RBFOX1: variants seen among roughly 807,000 people sequenced by gnomAD.
RBFOX1 encodes RNA binding fox-1 homolog 1, also known as RNA binding protein fox-1 homolog 1.
In RBFOX1, 8 loss-of-function variants were observed where a neutral mutation model predicts 57.7. That is an observed-to-expected ratio of 0.14 (90% CI 0.08 to 0.25). The LOEUF is 0.25. Among genes scored for constraint, RBFOX1 ranks in the 10% least tolerant of loss-of-function variants. The pLI is 1.00. For missense variants in RBFOX1, 611 were observed against 548.5 expected, an observed-to-expected ratio of 1.11 and a Z score of -1.14; for synonymous variants, 326 against 222.4, an observed-to-expected ratio of 1.47 and a Z score of -4.15.
intron 3 of RBFOX1, among the ~76,000 whole-genome samples, chr16:6,782,896 T>C (rs1054749540): frequency 4.6e-5 from 7 of 152,172 alleles, no homozygotes; most frequent in Non-Finnish European, 8.8e-5. Flanking sequence ...ATATTTGCTT[T>C]ATATATCTGA....
intron 4 of RBFOX1, among the ~76,000 whole-genome samples, chr16:6,005,818 A>G (rs2094924040): frequency 2.6e-5 from 4 of 152,234 alleles, no homozygotes; most frequent in African/African-American, 9.6e-5. Flanking sequence ...GGCTAATGGC[A>G]TTTGAGCTGG....
In RBFOX1 at chr16:5,831,009, T is replaced by C. The variant is rs567290963; in HGVS notation, c.319-36294T>C. Among the ~76,000 whole-genome samples, 4 of 152,330 alleles carry C rather than the reference T, an allele frequency of 2.6e-5. No individual in the cohort carries two copies. In the East Asian group the frequency reaches 5.8e-4, roughly 22 times the overall value. On this transcript the variant is annotated intron_variant, in intron 3 of 19. Coordinates refer to the RBFOX1 transcript ENST00000641259. The stretch of plus-strand genomic sequence containing the variant: ...TTTTTGCGTAGCCCTTGTTGTCATG[T>C]AAATTAACCTTGCTAATGCGTTAGT...
chr16:7,357,038 T>A (rs1357936674), intron 4 of RBFOX1, among the ~76,000 whole-genome samples: 1 of 152,140 alleles, frequency 6.6e-6, no homozygotes, highest in African/African-American at 2.4e-5. Context: ...GGCTCAGGAA[T>A]CCAGGGATCT....
At chr16:5,713,466 C>G (rs2051569668) in intron 3 of RBFOX1, among the ~76,000 whole-genome samples, 1 of 152,136 alleles carries the variant, frequency 6.6e-6, no homozygotes, top group South Asian at 2.1e-4. Flanking sequence ...CCTGTCTGAG[C>G]TAATCTGGGC....
chr16:7,709,258 A>T (rs2083476257), intron 15 of RBFOX1, 127 bp downstream of exon 15: 2 of 1,020,152 alleles, frequency 2.0e-6, no homozygotes, highest in East Asian at 2.6e-5. Context: ...TGCTAACAGC[A>T]GCTAAAATGC....
At chr16:7,316,077 T>C (rs1485102166) in intron 4 of RBFOX1, among the ~76,000 whole-genome samples, 3 of 152,214 alleles carry the variant, frequency 2.0e-5, no homozygotes, top group South Asian at 4.1e-4. Flanking sequence ...GTGAGAAATA[T>C]CAGTTTCCAA....
At chr16:6,072,340 C>T (rs1013104984) in intron 1 of RBFOX1, among the ~76,000 whole-genome samples, 3 of 152,152 alleles carry the variant, frequency 2.0e-5, no homozygotes, top group Non-Finnish European at 4.4e-5. Context: ...AACCATATCA[C>T]TGTTCATCTG....
chr16:5,430,583 C>T (rs770402479), intron 1 of RBFOX1, among the ~76,000 whole-genome samples: 2 of 152,166 alleles, frequency 1.3e-5, no homozygotes, highest in African/African-American at 4.8e-5. Context: ...AAACGCTAAG[C>T]CCACCTGCAG....
chr16:5,478,313 G>A (rs1480064862), intron 2 of RBFOX1, among the ~76,000 whole-genome samples: 1 of 151,990 alleles, frequency 6.6e-6, no homozygotes, highest in East Asian at 1.9e-4. Flanking sequence ...CAGAGGAGAA[G>A]GAAGGCTCTG....
chr16:7,654,746 G>A (rs752614043), intron 12 of RBFOX1, among the ~76,000 whole-genome samples: 4 of 152,210 alleles, frequency 2.6e-5, no homozygotes, highest in Non-Finnish European at 2.9e-5. Context: ...CAGCCAGGGA[G>A]AAAGGGATAC....
rs537203674 is a variant in RBFOX1, at chr16:7,675,655, T to C, written c.931-1119T>C. Among the ~76,000 whole-genome samples the C allele has an allele frequency of 3.9e-5, 6 of 152,322 alleles. 1 individual carries two copies. The South Asian group carries it at 1.2e-3, about 32-fold the overall frequency. ...GTAGCTTCCCTGCTTCATCTATGTC[T>C]TATCGTATTTAGTTTCATGAAGCCA... is the stretch of plus-strand genomic sequence containing the variant. On this transcript the variant is annotated intron_variant, in intron 13 of 15. Coordinates refer to ENST00000550418, the MANE Select transcript of RBFOX1 (RefSeq NM_018723.4).
chr16:7,619,526 T>C (rs2058982411), intron 10 of RBFOX1, among the ~76,000 whole-genome samples: 1 of 151,998 alleles, frequency 6.6e-6, no homozygotes, highest in African/African-American at 2.4e-5. Context: ...TAGAAGGCAA[T>C]TCAAGATGAA....
chr16:5,797,193 T>C (rs74511895), intron 3 of RBFOX1, among the ~76,000 whole-genome samples: 2,699 of 152,290 alleles, frequency 0.018, 91 homozygotes, highest in African/African-American at 0.062. Flanking sequence ...TAGATGCCCA[T>C]AGAGGAAGTT....
intron 3 of RBFOX1, among the ~76,000 whole-genome samples, chr16:6,724,093 G>A (rs984164799): frequency 2.0e-5 from 3 of 152,146 alleles, no homozygotes; most frequent in Admixed American, 6.6e-5. Flanking sequence ...ATTAGGAGGT[G>A]ATGAGGCCAT....
At chr16:7,346,994 G>C (rs1364823821) in intron 4 of RBFOX1, among the ~76,000 whole-genome samples, 1 of 152,156 alleles carries the variant, frequency 6.6e-6, no homozygotes, top group Admixed American at 6.5e-5. Context: ...GGACTCAAAA[G>C]AGAAAGAAAA....
At chr16:5,625,805 G>T (rs1474144131) in intron 3 of RBFOX1, among the ~76,000 whole-genome samples, 1 of 152,090 alleles carries the variant, frequency 6.6e-6, no homozygotes, top group Non-Finnish European at 1.5e-5. Flanking sequence ...TGATCTGTCT[G>T]CCTCAGCCTC....
chr16:6,511,121 G>A lies in RBFOX1; in HGVS notation c.-63-143482G>A, dbSNP rs902275281. Among the ~76,000 whole-genome samples, 11 of 152,136 alleles carry A rather than the reference G, an allele frequency of 7.2e-5. No homozygotes were observed. The East Asian group carries it at 9.6e-4, about 13-fold the overall frequency. On this transcript the variant is annotated intron_variant, in intron 2 of 15. Transcript: ENST00000550418. ...CTTTTCCACGTAAGAGCAGGCACTG[G>A]ATAAAGCCCAGTGTGCCTCCTGGTG...
At chr16:5,631,884 C>T (rs1286542852) in intron 3 of RBFOX1, among the ~76,000 whole-genome samples, 1 of 152,154 alleles carries the variant, frequency 6.6e-6, no homozygotes, top group Non-Finnish European at 1.5e-5. Context: ...CTGGGATGGA[C>T]ACTGGGGTGT....
chr16:5,301,171 C>T (rs921903861), intron 1 of RBFOX1, among the ~76,000 whole-genome samples: 4 of 152,150 alleles, frequency 2.6e-5, no homozygotes, highest in African/African-American at 9.7e-5. Flanking sequence ...CTTGTTTGTT[C>T]TTTCTTGCTC....
Sources: gnomAD v4.1 joint callset for allele counts (sites outside exome capture counted in the v4.1 genomes callset) on GRCh38, gnomAD v4.1.1 for gene constraint, MANE v1.5 for transcripts, NCBI Gene and HGNC (gene_info 2026-07-23, HGNC 2026-07-21) for gene names.